Variants in LCLAT1 observed in about 807,000 individuals in gnomAD.
LCLAT1 encodes the protein 1-AGP acyltransferase 8.
LCLAT1 carries 11 observed loss-of-function variants against 30.7 expected under a neutral mutation model. The observed-to-expected ratio is 0.36, with a 90% confidence interval of 0.23 to 0.59. The LOEUF is 0.59. Ranked by LOEUF, LCLAT1 falls within the 20% of genes least tolerant of loss-of-function variation. The probability of loss-of-function intolerance (pLI) is 0.77; values close to 1 mark genes in which losing one functional copy is unlikely to be tolerated. For missense variants in LCLAT1, 402 were observed against 458.6 expected (o/e 0.88, Z 1.13); for synonymous variants, 155 against 151.3 (o/e 1.02, Z -0.18).
chr2:30,450,856 G>T (rs1026092415), intron 1 of LCLAT1, among the ~76,000 whole-genome samples: 5 of 152,156 alleles, frequency 3.3e-5, no homozygotes, highest in Non-Finnish European at 7.3e-5. Flanking sequence ...TGATAAATTT[G>T]TCTTCAGACT....
chr2:30,453,631 T>G (rs1180686036), intron 1 of LCLAT1, among the ~76,000 whole-genome samples: 1 of 152,192 alleles, frequency 6.6e-6, no homozygotes, highest in African/African-American at 2.4e-5. Context: ...AAATAAGATG[T>G]GGTTTCTGTC....
chr2:30,448,089 T>A (rs541032939), intron 1 of LCLAT1, among the ~76,000 whole-genome samples: 1 of 152,392 alleles, frequency 6.6e-6, no homozygotes, highest in South Asian at 2.1e-4. Flanking sequence ...TGTACTTCCC[T>A]GGTTCAGGTG....
intron 5 of LCLAT1, among the ~76,000 whole-genome samples, chr2:30,619,802 C>T (rs1299766881): frequency 6.6e-6 from 1 of 152,142 alleles, no homozygotes; most frequent in Non-Finnish European, 1.5e-5. Flanking sequence ...GTTTTTCCCC[C>T]CAATCCTTAG....
chr2:30,549,223 A>G (rs1664566612), intron 3 of LCLAT1, among the ~76,000 whole-genome samples: 1 of 152,178 alleles, frequency 6.6e-6, no homozygotes, highest in Non-Finnish European at 1.5e-5. Flanking sequence ...TATCTAATCA[A>G]TCACTTACTG....
intron 1 of LCLAT1, among the ~76,000 whole-genome samples, chr2:30,468,082 T>G (rs1325308588): frequency 6.6e-6 from 1 of 152,220 alleles, no homozygotes; most frequent in Admixed American, 6.5e-5. Context: ...GGTCTAACAT[T>G]TAAGTCTTTA....
intron 1 of LCLAT1, among the ~76,000 whole-genome samples, chr2:30,455,116 T>A (rs1681763979): frequency 6.6e-6 from 1 of 152,218 alleles, no homozygotes; most frequent in Non-Finnish European, 1.5e-5. Context: ...TATAATTGGA[T>A]ATAATTTCTA....
At chr2:30,587,081 TCC>T (rs1666477416) in intron 5 of LCLAT1, among the ~76,000 whole-genome samples, 1 of 152,206 alleles carries the variant, frequency 6.6e-6, no homozygotes, top group Non-Finnish European at 1.5e-5. Flanking sequence ...TTGTGGTAAA[TCC>T]CAGACCTTGT....
At chr2:30,555,226 G>C (rs1664862208) in intron 3 of LCLAT1, among the ~76,000 whole-genome samples, 1 of 152,114 alleles carries the variant, frequency 6.6e-6, no homozygotes, top group African/African-American at 2.4e-5. Flanking sequence ...GATATTCTCA[G>C]TGGAAAATGA....
intron 1 of LCLAT1, among the ~76,000 whole-genome samples, chr2:30,506,736 G>A (rs906799132): frequency 3.9e-5 from 6 of 152,116 alleles, no homozygotes; most frequent in African/African-American, 1.2e-4. Flanking sequence ...AAATTACATG[G>A]ATCCTTGTAG....
chr2:30,525,234 A>G (rs971899133), intron 1 of LCLAT1, among the ~76,000 whole-genome samples: 1 of 152,074 alleles, frequency 6.6e-6, no homozygotes, highest in East Asian at 1.9e-4. Context: ...ACACTACCGC[A>G]GCTGGCTAAG....
intron 1 of LCLAT1, among the ~76,000 whole-genome samples, chr2:30,523,602 G>T (rs1452954214): frequency 6.6e-6 from 1 of 152,222 alleles, no homozygotes; most frequent in African/African-American, 2.4e-5. Flanking sequence ...GGGCACAGTG[G>T]CTTACGCCTG....
Position 30,640,124 on chromosome 2 carries a change from C to T in LCLAT1, c.636C>T (p.Asn212=). The change falls in exon 6 of 6, where the codon AAC becomes AAT. Residue 212 remains asparagine, a synonymous_variant. Transcript: ENST00000379509. Reference sequence around the variant, plus strand: ...CATCTTTTCGAAACCCAGGTAAGAACCTTGATGCTGTCCATGATATCACTG... The same window carrying T: ...CATCTTTTCGAAACCCAGGTAAGAATCTTGATGCTGTCCATGATATCACTG... ...FVVDRLREGK[N]LDAVHDITVA... is the part of the protein sequence containing the mutation. 1 of 1,610,018 alleles carries T rather than the reference C, an allele frequency of 6.2e-7. No homozygotes were observed. Among genetic ancestry groups the T allele is most frequent in the Non-Finnish European group, 8.5e-7 (1 of 1,178,536 alleles).
At chr2:30,586,498 CATG>C (rs1337977166) in intron 5 of LCLAT1, among the ~76,000 whole-genome samples, 5 of 152,176 alleles carry the variant, frequency 3.3e-5, no homozygotes, top group Non-Finnish European at 7.3e-5. Flanking sequence ...GGATACCACT[CATG>C]ATACTCACCA....
At chr2:30,494,144 C>G (rs829651) in intron 1 of LCLAT1, among the ~76,000 whole-genome samples, 33,732 of 152,122 alleles carry the variant, frequency 0.22, 3,826 homozygotes, top group East Asian at 0.35. Context: ...GATCACTTGA[C>G]TCCAGGAGTT....
chr2:30,489,899 G>C (rs528378551), intron 1 of LCLAT1, among the ~76,000 whole-genome samples: 1 of 152,314 alleles, frequency 6.6e-6, no homozygotes, highest in Non-Finnish European at 1.5e-5. Flanking sequence ...TGAGGCACTT[G>C]TGTCTAAATC....
intron 5 of LCLAT1, chr2:30,605,866 C>A: frequency 2.6e-6 from 1 of 383,176 alleles, no homozygotes. Flanking sequence ...GGGATGGTTT[C>A]GGAATGAAAC....
At chr2:30,577,107 A>T (rs891055816) in intron 5 of LCLAT1, among the ~76,000 whole-genome samples, 48 of 147,268 alleles carry the variant, frequency 3.3e-4, no homozygotes, top group African/African-American at 1.2e-3. Context: ...AATTATATTA[A>T]TATATCATGT....
chr2:30,474,541 A>T (rs1558461081), intron 1 of LCLAT1, among the ~76,000 whole-genome samples: 1 of 152,050 alleles, frequency 6.6e-6, no homozygotes, highest in Non-Finnish European at 1.5e-5. Flanking sequence ...TGCCACAGAT[A>T]TTTGAGTACA....
chr2:30,540,614 A>G (rs1664086089), intron 3 of LCLAT1, among the ~76,000 whole-genome samples: 1 of 152,058 alleles, frequency 6.6e-6, no homozygotes, highest in Non-Finnish European at 1.5e-5. Context: ...GCAAACTTAG[A>G]TAAAGAAGAT....
Sources: gnomAD v4.1 joint callset for allele counts (sites outside exome capture counted in the v4.1 genomes callset) on GRCh38, gnomAD v4.1.1 for gene constraint, MANE v1.5 for transcripts, NCBI Gene and HGNC (gene_info 2026-07-23, HGNC 2026-07-21) for gene names.